The following DCAF10 variants were observed in gnomAD, a reference collection of about 807,000 sequenced individuals.
DCAF10 encodes the protein DDB1- and CUL4-associated factor 10.
Under a neutral mutation model 51.9 loss-of-function variants are expected in DCAF10, and 19 were observed. The ratio of observed to expected loss-of-function variants is 0.37; its 90% CI spans 0.26 to 0.54. The LOEUF (loss-of-function observed/expected upper bound fraction) is 0.54. DCAF10 is among the 20% of genes least tolerant of loss of function. The pLI, the probability that DCAF10 is intolerant of heterozygous loss-of-function variation, is 0.87. For missense variants in DCAF10, 510 were observed against 730.6 expected, an observed-to-expected ratio of 0.70 and a Z score of 3.48; for synonymous variants, 291 against 297.1, an observed-to-expected ratio of 0.98 and a Z score of 0.21.
At position 37,861,045 on chromosome 9, in the gene DCAF10, G is replaced by A; in HGVS notation, c.1312-95G>A. ...AGTGATTTCTTGTAAAAATTCTGTG[G>A]CTTTGGCAATCTGTTGAGCTTTTTA... On this transcript the variant is annotated intron_variant, in intron 6 of 6. Transcript: ENST00000377724. This position sits in a 1 kb window ranked among gnomAD's most constrained non-coding sequence, Gnocchi z 4.9. 2 of 1,471,290 alleles carry A rather than the reference G, an allele frequency of 1.4e-6. No individual in the cohort carries two copies. Among genetic ancestry groups the A allele is most frequent in the Non-Finnish European group, 1.8e-6 (2 of 1,108,070 alleles). 91.1% of individuals were successfully genotyped at this position (1,471,290 alleles called of 1,614,324 possible). A position where few individuals can be genotyped will look rare whatever the true frequency, so the allele number is the denominator to read the frequency against.
chr9:37,817,522 A>G (rs1829578280), intron 1 of DCAF10, among the ~76,000 whole-genome samples: 3 of 151,990 alleles, frequency 2.0e-5, no homozygotes, highest in Admixed American at 2.0e-4. Context: ...CACTTGAACC[A>G]GGGAGGTGGA....
chr9:37,808,647 TAA>T (rs1435124222), intron 1 of DCAF10, among the ~76,000 whole-genome samples: 5 of 77,842 alleles, frequency 6.4e-5, no homozygotes, highest in African/African-American at 2.2e-4. Flanking sequence ...TAAAAATATA[TAA>T]TATAAAATAT....
intron 1 of DCAF10, among the ~76,000 whole-genome samples, chr9:37,817,712 G>A (rs1314447556): frequency 1.3e-5 from 2 of 151,646 alleles, no homozygotes; most frequent in African/African-American, 2.4e-5. Context: ...ACCAGCTTGA[G>A]CAACATAGTG....
intron 3 of DCAF10, 117 bp downstream of exon 3, chr9:37,842,403 A>G: frequency 1.0e-6 from 1 of 984,166 alleles, no homozygotes; most frequent in Non-Finnish European, 1.4e-6. Context: ...AGGAAAAGCA[A>G]CCAAAAAGTG....
At chr9:37,837,940 GC>G (rs1830220459) in intron 2 of DCAF10, among the ~76,000 whole-genome samples, 1 of 151,894 alleles carries the variant, frequency 6.6e-6, no homozygotes, top group Non-Finnish European at 1.5e-5. Flanking sequence ...AAGGAGGGTT[GC>G]TTGAGCCTGG....
In DCAF10 at chr9:37,866,061, T is replaced by C. The variant is rs1004684703; in HGVS notation, c.*4553T>C. Reference sequence around the variant, plus strand: ...ACAAATAGTGTGATACTTATACTGATGACAATCATCCCCATTTAATGACCA... The same window carrying C: ...ACAAATAGTGTGATACTTATACTGACGACAATCATCCCCATTTAATGACCA... On this transcript the variant is annotated 3_prime_UTR_variant, in exon 7 of 7. Transcript: ENST00000377724. The C allele has an allele frequency of 2.0e-5, 3 of 152,640 alleles. No individual in the cohort carries two copies. Among genetic ancestry groups the C allele is most frequent in the African/African-American group, 2.4e-5 (1 of 41,462 alleles). 9.5% of individuals were successfully genotyped at this position (152,640 alleles called of 1,614,324 possible). A position where few individuals can be genotyped will look rare whatever the true frequency, so the allele number is the denominator to read the frequency against.
chr9:37,803,926 G>A (rs1564022539), intron 1 of DCAF10, among the ~76,000 whole-genome samples: 1 of 151,078 alleles, frequency 6.6e-6, no homozygotes, highest in East Asian at 2.0e-4. Flanking sequence ...GGGTTAGAAG[G>A]TATTTTCTAA....
At position 37,801,748 on chromosome 9, in the gene DCAF10, T is replaced by C. The variant is rs1324159170; in HGVS notation, c.539+343T>C. On this transcript the variant is annotated intron_variant, in intron 1 of 6. Transcript: ENST00000377724. The surrounding 1 kb of genome is among the most constrained non-coding windows in gnomAD (Gnocchi z 5.5). ...GCTCAGTAAATACATTTTGAATAAATGCCCGCTTTCTCCCCATCATCCTAG... is the reference window on the plus strand; with the variant it reads ...GCTCAGTAAATACATTTTGAATAAACGCCCGCTTTCTCCCCATCATCCTAG... Among the ~76,000 whole-genome samples, 1 of 152,226 alleles carries C rather than the reference T, an allele frequency of 6.6e-6. No homozygotes were observed. Among genetic ancestry groups the C allele is most frequent in the East Asian group, 1.9e-4 (1 of 5,196 alleles).
intron 1 of DCAF10, among the ~76,000 whole-genome samples, chr9:37,807,859 A>G (rs1829169519): frequency 6.6e-6 from 1 of 151,830 alleles, no homozygotes; most frequent in South Asian, 2.1e-4. Context: ...ATGAGGTTTC[A>G]CCATGTTAGT....
intron 3 of DCAF10, among the ~76,000 whole-genome samples, chr9:37,843,448 C>A (rs1002130371): frequency 6.6e-6 from 1 of 152,028 alleles, no homozygotes; most frequent in Non-Finnish European, 1.5e-5. Context: ...GACAAGCATA[C>A]CTACTAAATG....
At chr9:37,827,559 T>C (rs1401191100) in intron 2 of DCAF10, among the ~76,000 whole-genome samples, 1 of 152,062 alleles carries the variant, frequency 6.6e-6, no homozygotes, top group Admixed American at 6.5e-5. Flanking sequence ...TAATATGTAG[T>C]TGAGCTGATA....
intron 1 of DCAF10, among the ~76,000 whole-genome samples, chr9:37,817,970 T>C (rs1829591837): frequency 6.6e-6 from 1 of 152,084 alleles, no homozygotes; most frequent in Non-Finnish European, 1.5e-5. Flanking sequence ...GACAAGTCCA[T>C]GATTAGTAAA....
At chr9:37,822,285 G>C (rs1156305821) in intron 2 of DCAF10, among the ~76,000 whole-genome samples, 2 of 151,920 alleles carry the variant, frequency 1.3e-5, no homozygotes, top group African/African-American at 4.8e-5. Context: ...CAGAGGAAAA[G>C]AAGTCATTAT....
At chr9:37,822,761 C>T (rs541356093) in intron 2 of DCAF10, among the ~76,000 whole-genome samples, 28 of 151,968 alleles carry the variant, frequency 1.8e-4, no homozygotes, top group African/African-American at 6.0e-4. Flanking sequence ...CTCATGTAAC[C>T]GAATACCACC....
rs1831139761 is a variant in DCAF10 at position 37,866,481 on chromosome 9, T to C, written c.*4973T>C. The C allele has an allele frequency of 6.6e-6, 1 of 152,264 alleles. No homozygotes were observed. The allele number at this position is 152,264 out of a possible 1,614,324, so 9.4% of individuals were successfully genotyped here. A position where few individuals can be genotyped will look rare whatever the true frequency, so the allele number is the denominator to read the frequency against. On this transcript the variant is annotated 3_prime_UTR_variant, in exon 7 of 7. Coordinates refer to ENST00000377724, the MANE Select transcript of DCAF10 (RefSeq NM_024345.5). The stretch of plus-strand genomic sequence containing the variant: ...GTTGGATTTTAAAATTTTTAAAATA[T>C]CTGCTAAGTAATTTGCTATGTCTTC...
At chr9:37,810,455 CTTTCTTTCTTTT>C (rs935702302) in intron 1 of DCAF10, among the ~76,000 whole-genome samples, 6 of 147,302 alleles carry the variant, frequency 4.1e-5, no homozygotes, top group African/African-American at 1.2e-4. Flanking sequence ...TTCTTTCTTT[CTTTCTTTCTTTT>C]TTTTTTTGAG....
intron 1 of DCAF10, among the ~76,000 whole-genome samples, chr9:37,816,659 G>GGGGTGTGTGTGTGT (rs372664140): frequency 7.0e-4 from 102 of 144,980 alleles, no homozygotes; most frequent in Middle Eastern, 3.6e-3. Flanking sequence ...CTGCACCTGG[G>GGGGTGTGTGTGTGT]GTGTGTGTGT....
chr9:37,816,659 G>GGGGGGTGTGTGTGTGT lies in DCAF10; in HGVS notation c.540-2628_540-2627insGGGGTGTGTGTGTGTG, dbSNP rs372664140. 7.4e-3 allele frequency among the ~76,000 whole-genome samples: 1,067 copies of GGGGGGTGTGTGTGTGT among 144,944 alleles called. 5 individuals are homozygous for GGGGGGTGTGTGTGTGT. Among genetic ancestry groups the GGGGGGTGTGTGTGTGT allele is most frequent in the Non-Finnish European group, 0.01 (670 of 65,598 alleles). On this transcript the variant is annotated intron_variant, in intron 1 of 6. Coordinates refer to ENST00000377724, the MANE Select transcript of DCAF10 (RefSeq NM_024345.5). ...AATCTCAATTAACATCTGCACCTGG[G>GGGGGGTGTGTGTGTGT]GTGTGTGTGTGTGTGTGTGTGTGTG...
intron 2 of DCAF10, among the ~76,000 whole-genome samples, chr9:37,825,485 T>C (rs767400536): frequency 3.3e-5 from 5 of 152,140 alleles, no homozygotes; most frequent in Non-Finnish European, 7.4e-5. Flanking sequence ...GAAAACCAAA[T>C]ACTGCATGTT....
Sources: gnomAD v4.1 joint callset for allele counts (sites outside exome capture counted in the v4.1 genomes callset) on GRCh38, gnomAD v4.1.1 for gene constraint, Gnocchi (gnomAD v3.1) non-coding constraint, MANE v1.5 for transcripts, NCBI Gene and HGNC (gene_info 2026-07-23, HGNC 2026-07-21) for gene names.